NUP98: variants seen among roughly 807,000 people sequenced by gnomAD.
The protein encoded by NUP98 is nucleoporin 98 and 96 precursor, also known as nuclear pore complex protein Nup98-Nup96.
A neutral mutation model predicts 191.9 loss-of-function variants in NUP98; 26 were observed. That is an observed-to-expected ratio of 0.14 (90% CI 0.10 to 0.19). NUP98 has a LOEUF of 0.19. Among genes scored for constraint, NUP98 ranks in the 10% least tolerant of loss-of-function variants. The pLI, the probability that NUP98 is intolerant of heterozygous loss-of-function variation, is 1.00. For synonymous variants in NUP98, 808 were observed against 778.4 expected, an observed-to-expected ratio of 1.04 and a Z score of -0.63; for missense variants, 1,941 against 2,178.8, an observed-to-expected ratio of 0.89 and a Z score of 2.17.
intron 10 of NUP98, among the ~76,000 whole-genome samples, chr11:3,755,178 GGGCATGA>G (rs1176078936): frequency 6.6e-6 from 1 of 152,010 alleles, no homozygotes; most frequent in Non-Finnish European, 1.5e-5. Context: ...ATAAAGCACT[GGGCATGA>G]TGGCTCACGC....
chr11:3,766,685 G>A (rs1214059641), intron 8 of NUP98, among the ~76,000 whole-genome samples: 2 of 103,448 alleles, frequency 1.9e-5, no homozygotes, highest in Admixed American at 1.1e-4. Context: ...GTGAAACTCC[G>A]TCTCAAAAAA....
chr11:3,714,090 G>C (rs1197204637), intron 18 of NUP98, 95 bp from the exon 19 acceptor site: 3 of 1,198,312 alleles, frequency 2.5e-6, no homozygotes, highest in Non-Finnish European at 3.6e-6. Context: ...GTGAATAATG[G>C]TAACTATGCT....
Position 3,771,869 on chromosome 11 carries a change from T to C in NUP98, c.663A>G (p.Ala221=), listed in dbSNP as rs1363647831. The C allele has an allele frequency of 6.2e-7, 1 of 1,614,138 alleles. No individual in the cohort carries two copies. The highest frequency in any genetic ancestry group is 8.5e-7 in the Non-Finnish European group (1 of 1,180,002). The change falls in exon 7 of 33, where the codon GCA becomes GCG. Residue 221 remains alanine (A), a synonymous_variant. Transcript: ENST00000324932. ...ACCCAAACAAGCCAGTTGTGGTACC[T>C]GCTCCCACCTGGTTCTGTGGGCCCT... ...NRKGPQNQVG[A]GTTTGLFGSS...
In NUP98 at chr11:3,716,065, G is replaced by T. The variant is rs555033296; in HGVS notation, c.2400-2070C>A. Among the ~76,000 whole-genome samples, 3 of 152,212 alleles carry T rather than the reference G, an allele frequency of 2.0e-5. No homozygotes were observed. In the East Asian group the frequency reaches 5.8e-4, roughly 29 times the overall value. On this transcript the variant is annotated intron_variant, in intron 18 of 32. Transcript: ENST00000324932. Reference sequence around the variant, plus strand: ...TTCACTTGTCTTTTGCTGTGCAGAAGGTTTTCAGTTTGATATAGTGTCATT... The same window carrying T: ...TTCACTTGTCTTTTGCTGTGCAGAATGTTTTCAGTTTGATATAGTGTCATT...
At chr11:3,769,235 G>C (rs960993561) in intron 7 of NUP98, among the ~76,000 whole-genome samples, 1 of 152,130 alleles carries the variant, frequency 6.6e-6, no homozygotes, top group African/African-American at 2.4e-5. Context: ...GAACAGCCTA[G>C]GCAACACAAT....
intron 11 of NUP98, among the ~76,000 whole-genome samples, chr11:3,750,769 G>C (rs2080720270): frequency 6.6e-6 from 1 of 152,010 alleles, no homozygotes; most frequent in Admixed American, 6.6e-5. Context: ...TGCTTGAGTA[G>C]CTAGGACTAC....
chr11:3,764,611 C>T (rs1302307783), intron 8 of NUP98, among the ~76,000 whole-genome samples: 2 of 152,188 alleles, frequency 1.3e-5, no homozygotes, highest in Non-Finnish European at 2.9e-5. Flanking sequence ...TTGAGTCTCA[C>T]ACTGTCACCC....
chr11:3,739,996 G>A (rs598041), intron 12 of NUP98, among the ~76,000 whole-genome samples: 77,430 of 151,940 alleles, frequency 0.51, 20,027 homozygotes, highest in African/African-American at 0.58. Context: ...TATAATATAC[G>A]TAATTTGTAC....
chr11:3,735,761 G>A (rs1425223260), intron 12 of NUP98, among the ~76,000 whole-genome samples: 2 of 130,662 alleles, frequency 1.5e-5, no homozygotes, highest in South Asian at 2.2e-4. Flanking sequence ...GTGTGTGTGT[G>A]TGTGTGTGTG....
chr11:3,686,521 CTT>C (rs371094527), intron 28 of NUP98, among the ~76,000 whole-genome samples: 6 of 152,256 alleles, frequency 3.9e-5, no homozygotes, highest in African/African-American at 1.4e-4. Flanking sequence ...AATGTCATTA[CTT>C]TTTTCTTTTT....
intron 6 of NUP98, among the ~76,000 whole-genome samples, chr11:3,772,430 A>G (rs942929156): frequency 2.0e-5 from 3 of 152,208 alleles, no homozygotes; most frequent in South Asian, 2.1e-4. Flanking sequence ...ATCAAAATGT[A>G]CAACAACCTA....
In NUP98 at chr11:3,706,512, T is replaced by G. The variant is rs371280400; in HGVS notation, c.2858A>C (p.Asp953Ala). Residue 953 changes from aspartate (D) to alanine (A), a missense_variant, in exon 21 of 33, where the codon GAT becomes GCT. Asp to Ala is a moderately radical substitution (Grantham distance 126, BLOSUM62 -2). Transcript: ENST00000324932. Reference sequence around the variant, plus strand: ...TGTTGAGGCAGACACAGGTTCCTGATCCTCAGGCATGCTCTCTTCTAACAT... The same window carrying G: ...TGTTGAGGCAGACACAGGTTCCTGAGCCTCAGGCATGCTCTCTTCTAACAT... ...DTMLEESMPE[D>A]QEPVSASTHI... is the part of the protein sequence containing the mutation. 6.2e-7 allele frequency: 1 copy of G among 1,614,000 alleles called. No homozygotes were observed. The highest frequency in any genetic ancestry group is 2.2e-5 in the East Asian group (1 of 44,900).
intron 10 of NUP98, among the ~76,000 whole-genome samples, chr11:3,756,550 G>A (rs1443395570): frequency 6.6e-6 from 1 of 151,944 alleles, no homozygotes; most frequent in Admixed American, 6.6e-5. Context: ...AGCCTCCCGA[G>A]TAGCTGGGAT....
rs116892459 is a variant in NUP98 at position 3,702,905 on chromosome 11, G to A, written c.3083-13C>T. On this transcript the variant is annotated splice_polypyrimidine_tract_variant and intron_variant, in intron 22 of 32. Transcript: ENST00000324932. ...AGTAACCCACCAACTGAAATGAAGC[G>A]GGAATGAAGGGGAGAAAGACTATTA... 5.0e-5 allele frequency: 79 copies of A among 1,581,028 alleles called. No homozygotes were observed. The South Asian group carries it at 6.2e-4, about 12-fold the overall frequency.
chr11:3,733,004 T>C (rs916450776), intron 13 of NUP98, among the ~76,000 whole-genome samples: 1 of 152,234 alleles, frequency 6.6e-6, no homozygotes, highest in Non-Finnish European at 1.5e-5. Context: ...CATCCAAGCA[T>C]CTATGATCTT....
At chr11:3,679,814 G>A (rs2077933036) in intron 30 of NUP98, 106 bp from the exon 31 acceptor site, 1 of 1,141,466 alleles carries the variant, frequency 8.8e-7, no homozygotes, top group Non-Finnish European at 1.2e-6. Flanking sequence ...AATGTTGGCT[G>A]GACTTCAGAA....
intron 26 of NUP98, among the ~76,000 whole-genome samples, chr11:3,694,473 G>A (rs2078435514): frequency 1.3e-5 from 2 of 151,728 alleles, no homozygotes; most frequent in Non-Finnish European, 2.9e-5. Context: ...GGGCGCGGTG[G>A]CTCACGCTTG....
At chr11:3,754,941 CAAAAAA>C (rs34606573) in intron 10 of NUP98, among the ~76,000 whole-genome samples, 3 of 66,238 alleles carry the variant, frequency 4.5e-5, no homozygotes, top group African/African-American at 6.0e-5. Context: ...GACACTATCT[CAAAAAA>C]AAAAAAAAAA....
intron 11 of NUP98, among the ~76,000 whole-genome samples, chr11:3,745,571 C>T (rs1045557720): frequency 3.3e-5 from 5 of 152,028 alleles, no homozygotes; most frequent in African/African-American, 1.2e-4. Context: ...AAATTCCATT[C>T]AATTTCCCAC....
Sources: gnomAD v4.1 joint callset for allele counts (sites outside exome capture counted in the v4.1 genomes callset) on GRCh38, gnomAD v4.1.1 for gene constraint, MANE v1.5 for transcripts, NCBI Gene and HGNC (gene_info 2026-07-23, HGNC 2026-07-21) for gene names.